The following GPR137B variants were observed in gnomAD, a reference collection of about 807,000 sequenced individuals.
GPR137B encodes the protein integral membrane protein GPR137B.
A neutral mutation model predicts 42.5 loss-of-function variants in GPR137B; 42 were observed. That is an observed-to-expected ratio of 0.99 (90% CI 0.77 to 1.28). GPR137B has a LOEUF of 1.28. Among genes scored for constraint, GPR137B ranks in the 50% most tolerant of loss-of-function variants. GPR137B has a pLI of 0.00. For synonymous variants in GPR137B, 218 were observed against 209.7 expected, an observed-to-expected ratio of 1.04 and a Z score of -0.34; for missense variants, 487 against 493.9, an observed-to-expected ratio of 0.99 and a Z score of 0.13.
At chr1:236,186,270 TATATATAATAATATAAATA>T (rs1391196827) in intron 5 of GPR137B, among the ~76,000 whole-genome samples, 1 of 49,136 alleles carries the variant, frequency 2.0e-5, no homozygotes, top group African/African-American at 8.6e-5. Context: ...TATTATATAT[TATATATAATAATATAAATA>T]ATATATAATA....
chr1:236,144,786 G>A (rs1223929246), intron 1 of GPR137B, among the ~76,000 whole-genome samples: 1 of 152,274 alleles, frequency 6.6e-6, no homozygotes, highest in Non-Finnish European at 1.5e-5. Context: ...GACAATGGTG[G>A]TATTGCACGT....
At chr1:236,206,446 T>TAATAGCAGGAGTCTCCTTCC (rs1299409109) in intron 6 of GPR137B, among the ~76,000 whole-genome samples, 1 of 152,210 alleles carries the variant, frequency 6.6e-6, no homozygotes, top group Non-Finnish European at 1.5e-5. Context: ...ACGTGAGTTT[T>TAATAGCAGGAGTCTCCTTCC]AATAGCAGGA....
At chr1:236,197,314 T>C (rs1663367937) in intron 5 of GPR137B, among the ~76,000 whole-genome samples, 2 of 152,216 alleles carry the variant, frequency 1.3e-5, no homozygotes, top group Non-Finnish European at 2.9e-5. Context: ...AGTCTGTGAA[T>C]ATTTTCTCCT....
chr1:236,203,080 CTTTCT>C (rs1663542954), intron 5 of GPR137B, among the ~76,000 whole-genome samples: 1 of 151,840 alleles, frequency 6.6e-6, no homozygotes, highest in Non-Finnish European at 1.5e-5. Flanking sequence ...TCTTTTCTTT[CTTTCT>C]TTTTTGTTTT....
Position 236,178,599 on chromosome 1 carries a change from C to CT in GPR137B, c.651dup (p.Lys218Ter), listed in dbSNP as rs1159028390. ...CTCTCCATCTGTCTCTACAAAATCT[C>CT]TAAGATGTCCTTAGCCAACATTTAC... On this transcript the variant is annotated frameshift_variant, in exon 3 of 7. Coordinates refer to ENST00000366592, the MANE Select transcript of GPR137B (RefSeq NM_003272.4). LOFTEE classifies it high-confidence loss of function. The CT allele has an allele frequency of 6.2e-7, 1 of 1,612,180 alleles. No individual in the cohort carries two copies. Among genetic ancestry groups the CT allele is most frequent in the South Asian group, 1.1e-5 (1 of 90,996 alleles).
intron 1 of GPR137B, among the ~76,000 whole-genome samples, chr1:236,148,465 A>G (rs1283268928): frequency 6.6e-6 from 1 of 152,136 alleles, no homozygotes. Context: ...CCCTATGACA[A>G]ACTCCTGCCA....
intron 5 of GPR137B, among the ~76,000 whole-genome samples, chr1:236,191,821 C>T (rs905217416): frequency 6.6e-5 from 10 of 152,166 alleles, no homozygotes; most frequent in African/African-American, 1.4e-4. Context: ...CCACTGAAGG[C>T]GGCAGTCTGA....
intron 2 of GPR137B, 30 bp downstream of exon 2, chr1:236,168,785 G>A (rs767492072): frequency 6.7e-7 from 1 of 1,486,932 alleles, no homozygotes; most frequent in Admixed American, 1.7e-5. Context: ...TCTTTCTGTG[G>A]TAGAAGGGGA....
intron 5 of GPR137B, among the ~76,000 whole-genome samples, chr1:236,193,565 A>T (rs1010607065): frequency 6.6e-6 from 1 of 152,064 alleles, no homozygotes; most frequent in African/African-American, 2.4e-5. Context: ...AGATATCATA[A>T]TGTGTATTAA....
In GPR137B at chr1:236,142,599, G is replaced by T; in HGVS notation, c.-24G>T. On this transcript the variant is annotated 5_prime_UTR_variant, in exon 1 of 7. Transcript: ENST00000366592. Reference sequence around the variant, plus strand: ...GCGCGATGCGCGGAGACCCCCGCGGGGGCGGCGGCGGCCGTGAGCCCCGAT... The same window carrying T: ...GCGCGATGCGCGGAGACCCCCGCGGTGGCGGCGGCGGCCGTGAGCCCCGAT... 1 of 1,291,396 alleles carries T rather than the reference G, an allele frequency of 7.7e-7. No homozygotes were observed. Among genetic ancestry groups the T allele is most frequent in the South Asian group, 2.4e-5 (1 of 40,952 alleles). The allele number at this position is 1,291,396 out of a possible 1,614,324, so 80.0% of individuals were successfully genotyped here.
intron 5 of GPR137B, among the ~76,000 whole-genome samples, chr1:236,187,470 C>T (rs1323027448): frequency 2.6e-5 from 4 of 152,030 alleles, no homozygotes; most frequent in East Asian, 1.9e-4. Flanking sequence ...TTAGGTCTTA[C>T]GTTTAAGTCT....
intron 2 of GPR137B, 63 bp from the exon 3 acceptor site, chr1:236,178,351 T>A (rs1662750689): frequency 1.0e-6 from 1 of 964,682 alleles, no homozygotes; most frequent in South Asian, 1.3e-5. Context: ...CCAAAACACA[T>A]CTCAGTGTCC....
At chr1:236,149,975 T>C (rs1205119451) in intron 1 of GPR137B, among the ~76,000 whole-genome samples, 2 of 151,040 alleles carry the variant, frequency 1.3e-5, no homozygotes, top group African/African-American at 4.9e-5. Context: ...TGTGCACCTG[T>C]GTGTGTGTGG....
At chr1:236,195,465 C>T (rs12094360) in intron 5 of GPR137B, among the ~76,000 whole-genome samples, 25,813 of 152,082 alleles carry the variant, frequency 0.17, 2,550 homozygotes, top group African/African-American at 0.25. Context: ...TGAGTGGTAC[C>T]CCATTCTGTA....
chr1:236,157,850 A>G lies in GPR137B; in HGVS notation c.415-10856A>G, dbSNP rs151113128. Among the ~76,000 whole-genome samples, 1,149 of 152,358 alleles carry G rather than the reference A, an allele frequency of 7.5e-3. 6 individuals carry two copies. The highest frequency in any genetic ancestry group is 0.011 in the Non-Finnish European group (753 of 68,028). On this transcript the variant is annotated intron_variant, in intron 1 of 6. Transcript: ENST00000366592. ...CTGCACTGTGCCTTAGTGAAGATGC[A>G]TGAGCTAGAACTGTGTGTATCAACA...
At chr1:236,162,842 A>G (rs1299266868) in intron 1 of GPR137B, among the ~76,000 whole-genome samples, 2 of 152,158 alleles carry the variant, frequency 1.3e-5, no homozygotes, top group African/African-American at 4.8e-5. Flanking sequence ...CCTCATGGAG[A>G]AGCTCTGCTA....
chr1:236,160,920 T>G (rs1385080645), intron 1 of GPR137B, among the ~76,000 whole-genome samples: 2 of 152,054 alleles, frequency 1.3e-5, no homozygotes, highest in African/African-American at 4.8e-5. Flanking sequence ...TCTTTTTGTT[T>G]TTTTTTAAAT....
chr1:236,200,365 C>T (rs1036751918), intron 5 of GPR137B, among the ~76,000 whole-genome samples: 3 of 151,914 alleles, frequency 2.0e-5, no homozygotes, highest in Non-Finnish European at 2.9e-5. Flanking sequence ...CTGTTAAGTC[C>T]GTTTGTTCTA....
chr1:236,160,076 C>T (rs901874930), intron 1 of GPR137B, among the ~76,000 whole-genome samples: 6 of 152,208 alleles, frequency 3.9e-5, no homozygotes, highest in Middle Eastern at 3.2e-3. Context: ...GCAGAAGAAA[C>T]GATGCTAAAA....
Sources: allele counts gnomAD v4.1 joint callset (sites outside exome capture counted in the v4.1 genomes callset), GRCh38; gene constraint gnomAD v4.1.1; transcripts MANE v1.5; gene names NCBI Gene and HGNC (gene_info 2026-07-23, HGNC 2026-07-21).